NELL1: variants seen among roughly 807,000 people sequenced by gnomAD.
NELL1 encodes neural EGFL like 1.
Under a neutral mutation model 107.4 loss-of-function variants are expected in NELL1, and 76 were observed. The ratio of observed to expected loss-of-function variants is 0.71; its 90% CI spans 0.59 to 0.86. NELL1 has a LOEUF of 0.86. Among genes scored for constraint, NELL1 ranks in the 40% least tolerant of loss-of-function variants. The pLI is 0.00. For missense variants in NELL1, 1,024 were observed against 1,005.5 expected (o/e 1.02, Z -0.25); for synonymous variants, 353 against 341.2 (o/e 1.03, Z -0.38).
intron 12 of NELL1, among the ~76,000 whole-genome samples, chr11:21,070,127 G>GT (rs780612041): frequency 0.029 from 4,279 of 145,884 alleles, 113 homozygotes; most frequent in South Asian, 0.17. Context: ...CTCCAAGGCT[G>GT]TTTTTTTTTT....
At chr11:20,777,750 T>C (rs1373979001) in intron 2 of NELL1, among the ~76,000 whole-genome samples, 1 of 152,210 alleles carries the variant, frequency 6.6e-6, no homozygotes, top group Non-Finnish European at 1.5e-5. Flanking sequence ...TATTTTGAGG[T>C]TCACAGTGTA....
At chr11:21,015,900 T>G (rs893687132) in intron 12 of NELL1, among the ~76,000 whole-genome samples, 1 of 152,092 alleles carries the variant, frequency 6.6e-6, no homozygotes, top group Non-Finnish European at 1.5e-5. Flanking sequence ...TCTGGGTGAC[T>G]GTTTTGCTTT....
At chr11:20,887,345 C>A (rs1206313894) in intron 5 of NELL1, among the ~76,000 whole-genome samples, 1 of 152,152 alleles carries the variant, frequency 6.6e-6, no homozygotes, top group Non-Finnish European at 1.5e-5. Context: ...TTTGATTTCA[C>A]TTAGGTAAGT....
At chr11:21,331,771 G>A (rs1380134726) in intron 14 of NELL1, among the ~76,000 whole-genome samples, 1 of 152,014 alleles carries the variant, frequency 6.6e-6, no homozygotes, top group Non-Finnish European at 1.5e-5. Context: ...CTCTTTCCCA[G>A]TTCACTCTGA....
chr11:20,863,785 G>A (rs901852108), intron 4 of NELL1, among the ~76,000 whole-genome samples: 3 of 152,168 alleles, frequency 2.0e-5, no homozygotes, highest in Non-Finnish European at 4.4e-5. Context: ...ATAGCTAGCC[G>A]AGATCACGCC....
At chr11:21,116,751 A>G (rs1175973913) in intron 13 of NELL1, among the ~76,000 whole-genome samples, 1 of 151,798 alleles carries the variant, frequency 6.6e-6, no homozygotes, top group African/African-American at 2.4e-5. Flanking sequence ...AAGTCCATCC[A>G]CTTCTGTCTA....
intron 15 of NELL1, among the ~76,000 whole-genome samples, chr11:21,384,447 T>C (rs1396517304): frequency 1.3e-5 from 2 of 151,972 alleles, no homozygotes; most frequent in South Asian, 4.1e-4. Context: ...TTTTTACATT[T>C]ATTTATTTAT....
intron 2 of NELL1, among the ~76,000 whole-genome samples, chr11:20,726,645 G>C (rs974435093): frequency 2.8e-4 from 42 of 151,934 alleles, no homozygotes; most frequent in Middle Eastern, 3.4e-3. Context: ...TGTGCACAAT[G>C]TGCAGGTTTG....
chr11:21,138,929 T>C (rs1855803444), intron 13 of NELL1, among the ~76,000 whole-genome samples: 1 of 152,182 alleles, frequency 6.6e-6, no homozygotes, highest in Non-Finnish European at 1.5e-5. Flanking sequence ...GTCCATAAAA[T>C]ATCTGACTCT....
chr11:20,761,998 A>C lies in NELL1; in HGVS notation c.185-21682A>C, dbSNP rs75817998. On this transcript the variant is annotated intron_variant, in intron 2 of 19. Transcript: ENST00000357134. ...GGGAGAGAACCTTGTGAGTGCCTTA[A>C]ATATCTTTCCAGGTGGGCACCATCA... Among the ~76,000 whole-genome samples, 1,443 of 152,288 alleles carry C rather than the reference A, an allele frequency of 9.5e-3. 28 individuals are homozygous for C. Among genetic ancestry groups the C allele is most frequent in the African/African-American group, 0.033 (1,373 of 41,558 alleles).
At chr11:20,741,483 A>T (rs1294481972) in intron 2 of NELL1, among the ~76,000 whole-genome samples, 6 of 152,226 alleles carry the variant, frequency 3.9e-5, no homozygotes, top group Admixed American at 6.5e-5. Context: ...GCCTACAAGC[A>T]TAATCAGGAC....
intron 4 of NELL1, among the ~76,000 whole-genome samples, chr11:20,850,820 A>G (rs1439296386): frequency 6.6e-6 from 1 of 152,292 alleles, no homozygotes; most frequent in Non-Finnish European, 1.5e-5. Context: ...AGCCTCTACT[A>G]TAGGCCAGGT....
chr11:21,092,721 G>A (rs1854549757), intron 12 of NELL1, among the ~76,000 whole-genome samples: 1 of 152,172 alleles, frequency 6.6e-6, no homozygotes, highest in Non-Finnish European at 1.5e-5. Flanking sequence ...TGTGTGCAAT[G>A]TTATTACATA....
intron 6 of NELL1, 88 bp downstream of exon 6, chr11:20,918,342 T>C (rs1850303487): frequency 6.3e-6 from 5 of 795,684 alleles, no homozygotes; most frequent in Non-Finnish European, 8.7e-6. Context: ...ACCCAAATTG[T>C]TTACAGTGTT....
intron 12 of NELL1, among the ~76,000 whole-genome samples, chr11:21,055,563 A>G (rs950660679): frequency 2.0e-5 from 3 of 152,160 alleles, no homozygotes; most frequent in Admixed American, 1.3e-4. Context: ...CTGGTTCACT[A>G]ATATGAATAG....
chr11:21,514,685 G>A (rs971145093), intron 15 of NELL1, among the ~76,000 whole-genome samples: 1 of 152,168 alleles, frequency 6.6e-6, no homozygotes, highest in Non-Finnish European at 1.5e-5. Flanking sequence ...CACACAATGT[G>A]TGTGGGCTGT....
chr11:21,191,719 C>T (rs2133836542), intron 13 of NELL1, among the ~76,000 whole-genome samples: 1 of 152,052 alleles, frequency 6.6e-6, no homozygotes, highest in Admixed American at 6.5e-5. Context: ...CTTGGTAAGA[C>T]TCAATCTTTG....
At chr11:20,876,356 A>C (rs1437026019) in intron 4 of NELL1, among the ~76,000 whole-genome samples, 4 of 152,126 alleles carry the variant, frequency 2.6e-5, no homozygotes, top group Non-Finnish European at 4.4e-5. Context: ...GCAGGAGGAG[A>C]CTACAGAGTT....
intron 13 of NELL1, among the ~76,000 whole-genome samples, chr11:21,185,025 C>T (rs984870481): frequency 2.6e-5 from 4 of 151,736 alleles, no homozygotes; most frequent in Non-Finnish European, 4.4e-5. Flanking sequence ...TGAGCTTAAC[C>T]AATTGTCTGT....
Sources: allele counts gnomAD v4.1 joint callset (sites outside exome capture counted in the v4.1 genomes callset), GRCh38; gene constraint gnomAD v4.1.1; transcripts MANE v1.5; gene names NCBI Gene and HGNC (gene_info 2026-07-23, HGNC 2026-07-21).